EPB41L3: variants seen among roughly 807,000 people sequenced by gnomAD.
The protein encoded by EPB41L3 is erythrocyte membrane protein band 4.1 like 3.
A neutral mutation model predicts 127.1 loss-of-function variants in EPB41L3; 57 were observed. That is an observed-to-expected ratio of 0.45 (90% CI 0.36 to 0.56). EPB41L3 has a LOEUF of 0.56. Among genes scored for constraint, EPB41L3 ranks in the 20% least tolerant of loss-of-function variants. The pLI is 0.00. For missense variants in EPB41L3, 1,273 were observed against 1,372.2 expected, an observed-to-expected ratio of 0.93 and a Z score of 1.14; for synonymous variants, 572 against 549.5, an observed-to-expected ratio of 1.04 and a Z score of -0.57.
chr18:5,524,620 G>A (rs948770750), intron 1 of EPB41L3, among the ~76,000 whole-genome samples: 5 of 151,302 alleles, frequency 3.3e-5, no homozygotes, highest in Non-Finnish European at 5.9e-5. Flanking sequence ...GATCTCAAGG[G>A]ATTCCACTTC....
chr18:5,420,042 C>G, intron 11 of EPB41L3, 165 bp from the exon 12 acceptor site: 1 of 1,434,522 alleles, frequency 7.0e-7, no homozygotes, highest in Non-Finnish European at 9.2e-7. Context: ...CACAAAATAC[C>G]AGGTTTGCCT....
At chr18:5,393,724 CATTT>C (rs1271731468) in intron 22 of EPB41L3, 23 of 398,872 alleles carry the variant, frequency 5.8e-5, no homozygotes, top group Non-Finnish European at 5.3e-5. Flanking sequence ...ATATATTATT[CATTT>C]GAGTAAAATG....
chr18:5,617,357 C>T (rs1305458450), intron 1 of EPB41L3, among the ~76,000 whole-genome samples: 2 of 148,086 alleles, frequency 1.4e-5, no homozygotes, highest in Non-Finnish European at 1.5e-5. Flanking sequence ...CTCACTCTGT[C>T]GCCCAGGCTG....
In EPB41L3 at chr18:5,523,784, T is replaced by TA. The variant is rs1466130053; in HGVS notation, c.-12+20128dup. On this transcript the variant is annotated intron_variant, in intron 1 of 22. Coordinates refer to ENST00000341928, the MANE Select transcript of EPB41L3 (RefSeq NM_012307.5). The stretch of plus-strand genomic sequence containing the variant: ...TGGGCAATAAGAGTAAAACTCTGTT[T>TA]AAAAAAAAAATTAACACCTACTGGT... 2.0e-3 allele frequency among the ~76,000 whole-genome samples: 295 copies of TA among 150,628 alleles called. 1 individual carries two copies. The highest frequency in any genetic ancestry group is 7.0e-3 in the African/African-American group (286 of 41,084).
chr18:5,516,005 A>T (rs2092734879), intron 1 of EPB41L3, among the ~76,000 whole-genome samples: 1 of 152,060 alleles, frequency 6.6e-6, no homozygotes, highest in Non-Finnish European at 1.5e-5. Flanking sequence ...AATGAACCAA[A>T]CGCAAGTAAG....
intron 2 of EPB41L3, among the ~76,000 whole-genome samples, chr18:5,612,858 A>G (rs994393709): frequency 3.9e-5 from 6 of 152,304 alleles, no homozygotes; most frequent in South Asian, 2.1e-4. Flanking sequence ...CTCATGCCTC[A>G]GTCTCCTGAG....
chr18:5,571,734 A>C (rs140862560), intron 3 of EPB41L3, among the ~76,000 whole-genome samples: 2 of 152,272 alleles, frequency 1.3e-5, no homozygotes, highest in African/African-American at 2.4e-5. Context: ...CTATCCATTG[A>C]GGGATATGTC....
intron 3 of EPB41L3, among the ~76,000 whole-genome samples, chr18:5,609,045 A>G (rs1470954464): frequency 1.3e-5 from 2 of 152,226 alleles, no homozygotes; most frequent in East Asian, 3.8e-4. Flanking sequence ...ACATTTTTAG[A>G]AATTTCAGAA....
intron 1 of EPB41L3, among the ~76,000 whole-genome samples, chr18:5,514,430 C>T (rs571602322): frequency 6.6e-6 from 1 of 152,254 alleles, no homozygotes; most frequent in Admixed American, 6.5e-5. Context: ...GGTTATATGA[C>T]TGGATTGCTC....
At chr18:5,564,043 C>G (rs1023998236) in intron 3 of EPB41L3, among the ~76,000 whole-genome samples, 1 of 152,232 alleles carries the variant, frequency 6.6e-6, no homozygotes, top group South Asian at 2.1e-4. Context: ...AAAAGAGAGA[C>G]AGCAGATCTA....
At chr18:5,546,845 CT>C (rs1253875700), upstream of EPB41L3, among the ~76,000 whole-genome samples, 11 of 152,282 alleles carry the variant, frequency 7.2e-5, no homozygotes, top group African/African-American at 2.6e-4. Context: ...TCTCTTAGTC[CT>C]CTCTGTCTCC....
chr18:5,394,968 G>T, intron 21 of EPB41L3, 99 bp downstream of exon 21: 1 of 1,303,750 alleles, frequency 7.7e-7, no homozygotes, highest in Non-Finnish European at 1.1e-6. Flanking sequence ...AATTTTCTTC[G>T]GAATACATGC....
chr18:5,549,431 T>A lies in EPB41L3; in HGVS notation c.-305-60270A>T, dbSNP rs530192546. Among the ~76,000 whole-genome samples, 184 of 152,310 alleles carry A rather than the reference T, an allele frequency of 1.2e-3. 1 individual carries two copies. The highest frequency in any genetic ancestry group is 4.3e-3 in the African/African-American group (179 of 41,572). ...AAGAAAGCCTTGGCTACTAACACTT[T>A]CCTATGCAAGATGTTTATTAGGGAT... On this transcript the variant is annotated intron_variant, in intron 3 of 21. Transcript: ENST00000545076.
At chr18:5,516,511 A>G (rs961031378) in intron 1 of EPB41L3, among the ~76,000 whole-genome samples, 3 of 152,220 alleles carry the variant, frequency 2.0e-5, no homozygotes, top group Admixed American at 6.5e-5. Context: ...AACCATCTTT[A>G]ATGGACAGTG....
intron 1 of EPB41L3, among the ~76,000 whole-genome samples, chr18:5,525,574 T>C (rs2093189803): frequency 6.6e-6 from 1 of 152,190 alleles, no homozygotes; most frequent in Non-Finnish European, 1.5e-5. Flanking sequence ...ATGTAGAGAT[T>C]ATATAAATTT....
chr18:5,553,737 G>T (rs1324535933), intron 3 of EPB41L3, among the ~76,000 whole-genome samples: 1 of 152,148 alleles, frequency 6.6e-6, no homozygotes, highest in Admixed American at 6.5e-5. Context: ...ACCATCTCCT[G>T]TCTGGGTTCC....
At chr18:5,624,507 A>C (rs9962192) in intron 1 of EPB41L3, among the ~76,000 whole-genome samples, 37,184 of 152,182 alleles carry the variant, frequency 0.24, 4,779 homozygotes, top group African/African-American at 0.29. Context: ...TAAATTATTC[A>C]TGAAATTAGG....
At chr18:5,606,501 T>C (rs1321425921) in intron 3 of EPB41L3, among the ~76,000 whole-genome samples, 1 of 152,138 alleles carries the variant, frequency 6.6e-6, no homozygotes, top group African/African-American at 2.4e-5. Flanking sequence ...TTATTATTAT[T>C]GAAATAAAGG....
intron 3 of EPB41L3, chr18:5,570,135 G>A (rs1284069161): frequency 6.6e-6 from 1 of 152,068 alleles, no homozygotes; most frequent in Admixed American, 6.6e-5. Context: ...ATCCTATCCT[G>A]CCTTTAGGCT....
Sources: allele counts gnomAD v4.1 joint callset (sites outside exome capture counted in the v4.1 genomes callset), GRCh38; gene constraint gnomAD v4.1.1; transcripts MANE v1.5; gene names NCBI Gene and HGNC (gene_info 2026-07-23, HGNC 2026-07-21).